Variants in CUBN observed in about 807,000 individuals in gnomAD.
CUBN encodes 460 kDa receptor.
A neutral mutation model predicts 405.3 loss-of-function variants in CUBN; 282 were observed. That is an observed-to-expected ratio of 0.70 (90% CI 0.63 to 0.77). The LOEUF (loss-of-function observed/expected upper bound fraction) is 0.77, where lower values mean the gene tolerates loss of function less well. Among genes scored for constraint, CUBN ranks in the 30% least tolerant of loss-of-function variants. The pLI, the probability that CUBN is intolerant of heterozygous loss-of-function variation, is 0.00. For synonymous variants in CUBN, 1,684 were observed against 1,617.0 expected (o/e 1.04, Z -0.99); for missense variants, 4,514 against 4,475.2 (o/e 1.01, Z -0.25).
chr10:16,874,828 T>C (rs186002999), intron 57 of CUBN, among the ~76,000 whole-genome samples: 52 of 152,214 alleles, frequency 3.4e-4, no homozygotes, highest in African/African-American at 1.2e-3. Context: ...CTGTATTTCA[T>C]TGACAGGTTG....
rs71287326 is a variant in CUBN, at chr10:16,829,342, G to GAAAA, written c.10529-306_10529-303dup. On this transcript the variant is annotated intron_variant, in intron 65 of 66. Coordinates refer to ENST00000377833, the MANE Select transcript of CUBN (RefSeq NM_001081.4). ...AAAATTGGGGGTTGAGAGCAGAATG[G>GAAAA]AAAAAAAAAAAAAAAACAAACTTGA... is the stretch of plus-strand genomic sequence containing the variant. 0.063 allele frequency among the ~76,000 whole-genome samples: 7,531 copies of GAAAA among 120,352 alleles called. 330 individuals carry two copies. Among genetic ancestry groups the GAAAA allele is most frequent in the East Asian group, 0.22 (834 of 3,840 alleles). 79.0% of individuals were successfully genotyped at this position (120,352 alleles called of 152,430 possible). A position where few individuals can be genotyped will look rare whatever the true frequency, so the allele number is the denominator to read the frequency against.
At chr10:17,006,468 C>CCAGAAAT (rs1395279241) in intron 28 of CUBN, among the ~76,000 whole-genome samples, 5 of 152,014 alleles carry the variant, frequency 3.3e-5, no homozygotes, top group Non-Finnish European at 7.4e-5. Flanking sequence ...GGTGAACCTC[C>CCAGAAAT]CAGAAATCGT....
At position 16,825,901 on chromosome 10, in the gene CUBN, G is replaced by A. The variant is rs185889523; in HGVS notation, c.10765-819C>T. On this transcript the variant is annotated intron_variant, in intron 66 of 66. Coordinates refer to ENST00000377833, the MANE Select transcript of CUBN (RefSeq NM_001081.4). ...CCAAGATACTCACTTACTCAAGTGA[G>A]TGTAGATTTTTTTTTCTGTAAGAGA... is the stretch of plus-strand genomic sequence containing the variant. Among the ~76,000 whole-genome samples, 820 of 134,568 alleles carry A rather than the reference G, an allele frequency of 6.1e-3. 10 individuals carry two copies. Among genetic ancestry groups the A allele is most frequent in the African/African-American group, 0.02 (773 of 38,398 alleles). The allele number at this position is 134,568 out of a possible 152,430, so 88.3% of individuals were successfully genotyped here.
At chr10:16,830,220 C>A (rs1838942338) in intron 65 of CUBN, among the ~76,000 whole-genome samples, 1 of 152,154 alleles carries the variant, frequency 6.6e-6, no homozygotes. Context: ...TGAGCCACAG[C>A]ACCTAGCTTA....
chr10:16,920,349 A>G (rs1842000919), intron 43 of CUBN, among the ~76,000 whole-genome samples: 1 of 152,182 alleles, frequency 6.6e-6, no homozygotes, highest in East Asian at 1.9e-4. Context: ...CAGACCATTT[A>G]TCTATTCTCA....
intron 8 of CUBN, 114 bp downstream of exon 8, chr10:17,113,913 G>T: frequency 2.8e-6 from 3 of 1,053,628 alleles, no homozygotes; most frequent in Admixed American, 2.0e-5. Context: ...CACAAAACTG[G>T]ATTTGAACAC....
chr10:17,020,164 G>A (rs910303901), intron 27 of CUBN, among the ~76,000 whole-genome samples, 181 bp from the exon 28 acceptor site: 2 of 151,980 alleles, frequency 1.3e-5, no homozygotes, highest in African/African-American at 2.4e-5. Flanking sequence ...CATAGAGAGG[G>A]TATTAGAGAT....
chr10:17,058,657 A>G (rs1266228182), intron 22 of CUBN, among the ~76,000 whole-genome samples: 3 of 151,754 alleles, frequency 2.0e-5, no homozygotes, highest in African/African-American at 7.3e-5. Context: ...AAGATTAAAA[A>G]CCCCTCTTAA....
At chr10:17,018,946 A>T (rs543063224) in intron 28 of CUBN, among the ~76,000 whole-genome samples, 6 of 152,298 alleles carry the variant, frequency 3.9e-5, no homozygotes, top group African/African-American at 1.2e-4. Context: ...TCCCCACCTG[A>T]CCCAGAAGCT....
intron 41 of CUBN, 38 bp downstream of exon 41, chr10:16,928,119 G>T: frequency 6.2e-7 from 1 of 1,600,302 alleles, no homozygotes. Flanking sequence ...GAGAGGAGAT[G>T]AGATAACATG....
chr10:17,050,118 C>T (rs181312619), intron 22 of CUBN, among the ~76,000 whole-genome samples: 278 of 152,226 alleles, frequency 1.8e-3, no homozygotes, highest in African/African-American at 6.5e-3. Context: ...TCCAATCCTA[C>T]GACTTCTATT....
intron 24 of CUBN, 119 bp downstream of exon 24, chr10:17,045,815 T>G: frequency 1.0e-6 from 1 of 975,720 alleles, no homozygotes; most frequent in East Asian, 2.4e-5. Flanking sequence ...ATTTGCAATA[T>G]TGAAGTTTAA....
chr10:16,850,206 T>C (rs1839645032), intron 60 of CUBN, among the ~76,000 whole-genome samples: 1 of 152,206 alleles, frequency 6.6e-6, no homozygotes, highest in Non-Finnish European at 1.5e-5. Context: ...ATCGAATGCA[T>C]TCATTAGCGC....
intron 45 of CUBN, among the ~76,000 whole-genome samples, chr10:16,917,472 T>C (rs1247948781): frequency 1.3e-5 from 2 of 152,174 alleles, no homozygotes; most frequent in East Asian, 1.9e-4. Flanking sequence ...AATAGTATAC[T>C]GTTAGAAAAG....
At chr10:17,109,803 G>A (rs2131307463) in intron 9 of CUBN, 68 bp from the exon 10 acceptor site, 2 of 1,244,424 alleles carry the variant, frequency 1.6e-6, no homozygotes, top group East Asian at 2.3e-5. Context: ...GCCTGTCTAG[G>A]ATTCAAATAT....
At chr10:17,109,595 G>A in intron 10 of CUBN, 45 bp downstream of exon 10, 2 of 1,440,548 alleles carry the variant, frequency 1.4e-6, no homozygotes, top group South Asian at 1.1e-5. Flanking sequence ...GGTTTAGAAG[G>A]TCATATTACA....
chr10:16,888,383 A>G (rs751868518), intron 56 of CUBN, 34 bp downstream of exon 56: 1 of 1,565,506 alleles, frequency 6.4e-7, no homozygotes, highest in South Asian at 1.1e-5. Context: ...TTGTTTGTCA[A>G]TTAAACGTAA....
intron 31 of CUBN, among the ~76,000 whole-genome samples, chr10:16,970,543 T>C (rs1588534408): frequency 7.2e-6 from 1 of 138,656 alleles, no homozygotes; most frequent in African/African-American, 2.8e-5. Context: ...ACCTTTGCAC[T>C]CCAGCCTGGG....
chr10:16,829,216 C>G, intron 65 of CUBN, among the ~76,000 whole-genome samples, 176 bp from the exon 66 acceptor site: 1 of 152,052 alleles, frequency 6.6e-6, no homozygotes, highest in Non-Finnish European at 1.5e-5. Flanking sequence ...CCTCTCTTCC[C>G]CTCTCTTCCC....
Sources: allele counts gnomAD v4.1 joint callset (sites outside exome capture counted in the v4.1 genomes callset), GRCh38; gene constraint gnomAD v4.1.1; transcripts MANE v1.5; gene names NCBI Gene and HGNC (gene_info 2026-07-23, HGNC 2026-07-21).